OR1I1: variants seen among roughly 807,000 people sequenced by gnomAD.
The protein encoded by OR1I1 is olfactory receptor 1I1.
For synonymous variants in OR1I1, 171 were observed against 181.4 expected (o/e 0.94, Z 0.46); for missense variants, 451 against 443.6 (o/e 1.02, Z -0.15).
intron 1 of OR1I1, among the ~76,000 whole-genome samples, chr19:15,085,129 CTTATATATATAT>C (rs2046223039): frequency 1.5e-5 from 1 of 64,852 alleles, no homozygotes; most frequent in African/African-American, 4.4e-5. Context: ...GCATTTTTGA[CTTATATATATAT>C]ATATATATAT....
chr19:15,087,323 G>A lies in OR1I1; in HGVS notation c.258G>A (p.Gln86=). The change falls in exon 2 of 2, where the codon CAG becomes CAA. Residue 86 remains glutamine, a synonymous_variant. Coordinates refer to ENST00000641398, the MANE Select transcript of OR1I1 (RefSeq NM_001004713.2). Reference sequence around the variant, plus strand: ...TCCCCAAGATGCTAGCGAACATCCAGGCTCAGAGCAGAGCCATCCCCTTTG... The same window carrying A: ...TCCCCAAGATGCTAGCGAACATCCAAGCTCAGAGCAGAGCCATCCCCTTTG... The part of the protein sequence containing the change: ...TTVPKMLANI[Q]AQSRAIPFVG... The A allele has an allele frequency of 1.9e-6, 3 of 1,614,164 alleles. No individual in the cohort carries two copies. Among genetic ancestry groups the A allele is most frequent in the Non-Finnish European group, 2.5e-6 (3 of 1,180,018 alleles).
rs1396675763 is a variant in OR1I1 at position 15,089,395 on chromosome 19, T to C, written c.*1262T>C. 8 of 152,200 alleles carry C rather than the reference T, an allele frequency of 5.3e-5. No homozygotes were observed. Among genetic ancestry groups the C allele is most frequent in the Non-Finnish European group, 8.8e-5 (6 of 68,050 alleles). 9.4% of individuals were successfully genotyped at this position (152,200 alleles called of 1,614,324 possible). On this transcript the variant is annotated 3_prime_UTR_variant, in exon 2 of 2. Transcript: ENST00000641398. ...GACCCTAGCCTAGCTCCAAAATCTA[T>C]GTGTTTCCTGTGACATTCATCGCCT... is the stretch of plus-strand genomic sequence containing the variant.
At chr19:15,082,773 G>T (rs1241310758) in intron 1 of OR1I1, among the ~76,000 whole-genome samples, 1 of 33,942 alleles carries the variant, frequency 2.9e-5, no homozygotes, top group African/African-American at 6.2e-5. Context: ...GTTTGGGAGC[G>T]GGGGGGAGGG....
chr19:15,086,914 G>C, intron 1 of OR1I1, 139 bp from the exon 2 acceptor site: 1 of 1,363,300 alleles, frequency 7.3e-7, no homozygotes, highest in Middle Eastern at 2.6e-4. Context: ...ATGGCTTGAG[G>C]TTAACTGAAC....
intron 1 of OR1I1, among the ~76,000 whole-genome samples, chr19:15,083,521 C>T (rs938470836): frequency 3.3e-5 from 5 of 152,292 alleles, no homozygotes; most frequent in East Asian, 1.9e-4. Flanking sequence ...GGAAGGGAAT[C>T]GCAGTATTCT....
At chr19:15,086,985 G>T (rs1897960544) in intron 1 of OR1I1, 68 bp from the exon 2 acceptor site, 10 of 1,512,338 alleles carry the variant, frequency 6.6e-6, no homozygotes, top group South Asian at 1.4e-5. Flanking sequence ...TCCGTGGGAA[G>T]CTGGGACCAG....
chr19:15,086,838 C>A, intron 1 of OR1I1: 1 of 641,014 alleles, frequency 1.6e-6, no homozygotes, highest in Non-Finnish European at 2.5e-6. Flanking sequence ...TCCGTTAGAT[C>A]CTTGAGACCC....
Position 15,091,663 on chromosome 19 carries a change from TA to T in OR1I1, c.*3539del, listed in dbSNP as rs202030456. On this transcript the variant is annotated 3_prime_UTR_variant, in exon 2 of 2. Coordinates refer to ENST00000641398, the MANE Select transcript of OR1I1 (RefSeq NM_001004713.2). The stretch of plus-strand genomic sequence containing the variant: ...GACAGAGCGAGACTCCTCCTCAATT[TA>T]AAAAAAAATACAAAACTTAGCCAGG... 9,920 of 130,462 alleles carry T rather than the reference TA, an allele frequency of 0.076. 535 individuals carry two copies. Among genetic ancestry groups the T allele is most frequent in the African/African-American group, 0.17 (5,922 of 34,754 alleles). 8.1% of individuals were successfully genotyped at this position (130,462 alleles called of 1,614,324 possible). A position where few individuals can be genotyped will look rare whatever the true frequency, so the allele number is the denominator to read the frequency against.
In OR1I1 at chr19:15,089,503, T is replaced by C. The variant is rs2046248308; in HGVS notation, c.*1370T>C. On this transcript the variant is annotated 3_prime_UTR_variant, in exon 2 of 2. Coordinates refer to ENST00000641398, the MANE Select transcript of OR1I1 (RefSeq NM_001004713.2). Reference sequence around the variant, plus strand: ...CGGGGCACTTAAAAAGTTAGTGTTATGGGTTGAACTGTGGCTCCCAAAAAA... The same window carrying C: ...CGGGGCACTTAAAAAGTTAGTGTTACGGGTTGAACTGTGGCTCCCAAAAAA... The C allele has an allele frequency of 6.6e-6, 1 of 151,856 alleles. No individual in the cohort carries two copies. Among genetic ancestry groups the C allele is most frequent in the East Asian group, 1.9e-4 (1 of 5,182 alleles). The allele number at this position is 151,856 out of a possible 1,614,324, so 9.4% of individuals were successfully genotyped here.
intron 1 of OR1I1, among the ~76,000 whole-genome samples, chr19:15,083,293 A>AC (rs1280935194): frequency 6.6e-6 from 1 of 151,704 alleles, no homozygotes; most frequent in Non-Finnish European, 1.5e-5. Context: ...GGGTGGCCTC[A>AC]CTTTGTCTGC....
chr19:15,090,215 T>TC lies in OR1I1; in HGVS notation c.*2082_*2083insC, dbSNP rs1348081418. On this transcript the variant is annotated 3_prime_UTR_variant, in exon 2 of 2. Transcript: ENST00000641398. ...AACTGATCTTTTTTTTTTTTTTTTT[T>TC]TTTTGAGACGGAGTCTTGCTCTGTC... 3 of 150,144 alleles carry TC rather than the reference T, an allele frequency of 2.0e-5. No individual in the cohort carries two copies. Among genetic ancestry groups the TC allele is most frequent in the Non-Finnish European group, 4.4e-5 (3 of 67,736 alleles). 9.3% of individuals were successfully genotyped at this position (150,144 alleles called of 1,614,324 possible). A position where few individuals can be genotyped will look rare whatever the true frequency, so the allele number is the denominator to read the frequency against.
intron 1 of OR1I1, among the ~76,000 whole-genome samples, chr19:15,083,844 C>T (rs761475639): frequency 6.6e-5 from 10 of 152,072 alleles, no homozygotes; most frequent in Non-Finnish European, 1.5e-4. Flanking sequence ...AAAAATTAAT[C>T]GGGCGTGGTG....
chr19:15,088,025 T>G lies in OR1I1; in HGVS notation c.960T>G (p.Asp320Glu). ...GTCCTAGGCCAGAACAGTTATTGGATGTTTATCATGTTCCAGGATCACTGT... is the reference window on the plus strand; with the variant it reads ...GTCCTAGGCCAGAACAGTTATTGGAGGTTTATCATGTTCCAGGATCACTGT... ...VPCPRPEQLL[D>E]VYHVPGSLLA... Residue 320 changes from aspartate (D) to glutamate (E), a missense_variant, in exon 2 of 2, where the codon GAT becomes GAG. By Grantham distance (45) the Asp-to-Glu change is conservative. Coordinates refer to ENST00000641398, the MANE Select transcript of OR1I1 (RefSeq NM_001004713.2). 6.2e-7 allele frequency: 1 copy of G among 1,613,512 alleles called. No individual in the cohort carries two copies. The highest frequency in any genetic ancestry group is 8.5e-7 in the Non-Finnish European group (1 of 1,179,566).
At chr19:15,086,510 G>A (rs886520865) in intron 1 of OR1I1, among the ~76,000 whole-genome samples, 14 of 151,740 alleles carry the variant, frequency 9.2e-5, no homozygotes, top group East Asian at 1.9e-4. Flanking sequence ...CTAGAGAGCC[G>A]TGGCACAATC....
chr19:15,085,176 A>ATATATATATATGTTTT (rs1555717400), intron 1 of OR1I1, among the ~76,000 whole-genome samples: 24 of 80,124 alleles, frequency 3.0e-4, no homozygotes, highest in Admixed American at 5.4e-4. Context: ...ATATATATAT[A>ATATATATATATGTTTT]TTTTTTTTTT....
intron 1 of OR1I1, among the ~76,000 whole-genome samples, chr19:15,083,657 A>G (rs2046217876): frequency 2.6e-5 from 4 of 152,204 alleles, no homozygotes; most frequent in Admixed American, 2.6e-4. Context: ...TTATGCTGCT[A>G]ACCTTCCTAA....
At chr19:15,083,561 T>C (rs2046217554) in intron 1 of OR1I1, among the ~76,000 whole-genome samples, 1 of 149,430 alleles carries the variant, frequency 6.7e-6, no homozygotes, top group Non-Finnish European at 1.5e-5. Flanking sequence ...AAGCATTGCA[T>C]TGCAAAAACC....
rs2046250008 is a variant in OR1I1 at position 15,089,925 on chromosome 19, T to C, written c.*1792T>C. On this transcript the variant is annotated 3_prime_UTR_variant, in exon 2 of 2. Transcript: ENST00000641398. The stretch of plus-strand genomic sequence containing the variant: ...TGACCATATTTGAAGATAGGGTGTT[T>C]ACAGAGGTCATTAGATTACAGTAAG... 6.6e-6 allele frequency: 1 copy of C among 152,150 alleles called. No homozygotes were observed. The highest frequency in any genetic ancestry group is 1.5e-5 in the Non-Finnish European group (1 of 68,030). 9.4% of individuals were successfully genotyped at this position (152,150 alleles called of 1,614,324 possible).
At position 15,092,117 on chromosome 19, in the gene OR1I1, TGGTTG is replaced by T. The variant is rs368746261; in HGVS notation, c.*3985_*3989del. 1.1e-4 allele frequency: 4 copies of T among 36,168 alleles called. No individual in the cohort carries two copies. Among genetic ancestry groups the T allele is most frequent in the African/African-American group, 1.6e-4 (3 of 19,072 alleles). 2.2% of individuals were successfully genotyped at this position (36,168 alleles called of 1,614,324 possible). On this transcript the variant is annotated 3_prime_UTR_variant, in exon 2 of 2. Transcript: ENST00000641398. ...TTTTTTTTTTTTTTTTTTTGGTTTT[TGGTTG>T]TTTTTTTTTTTTCCCCGGAAACTTG...
Sources: gnomAD v4.1 joint callset for allele counts (sites outside exome capture counted in the v4.1 genomes callset) on GRCh38, gnomAD v4.1.1 for gene constraint, MANE v1.5 for transcripts, NCBI Gene and HGNC (gene_info 2026-07-23, HGNC 2026-07-21) for gene names.